MAP7D3: variants seen among roughly 807,000 people sequenced by gnomAD.
The protein encoded by MAP7D3 is MAP7 domain containing 3.
Under a neutral mutation model 62.2 loss-of-function variants are expected in MAP7D3, and 45 were observed. That is an observed-to-expected ratio of 0.72 (90% CI 0.57 to 0.93). MAP7D3 has a LOEUF of 0.93. Ranked by LOEUF, MAP7D3 falls within the 40% of genes least tolerant of loss-of-function variation. The pLI, the probability that MAP7D3 is intolerant of heterozygous loss-of-function variation, is 0.00. For synonymous variants in MAP7D3, 288 were observed against 248.8 expected, an observed-to-expected ratio of 1.16 and a Z score of -1.48; for missense variants, 711 against 683.1, an observed-to-expected ratio of 1.04 and a Z score of -0.45.
chrX:136,225,028 G>A (rs1469539754), intron 13 of MAP7D3, 148 bp from the exon 14 acceptor site: 2 of 420,415 alleles, frequency 4.8e-6, no homozygotes, highest in Non-Finnish European at 8.1e-6. Context: ...AAAGGCTTAC[G>A]GTGGCAGTTG....
intron 4 of MAP7D3, among the ~76,000 whole-genome samples, chrX:136,244,233 A>G (rs779635781): frequency 8.9e-6 from 1 of 111,808 alleles, no homozygotes; most frequent in Non-Finnish European, 1.9e-5. Context: ...GAAATCGGTC[A>G]GATGAGGGCA....
At chrX:136,234,907 A>G (rs185983026) in intron 7 of MAP7D3, among the ~76,000 whole-genome samples, 1 of 112,092 alleles carries the variant, frequency 8.9e-6, no homozygotes, top group Admixed American at 9.5e-5. Flanking sequence ...ACAAATGCAA[A>G]GCAAGAAAGA....
intron 4 of MAP7D3, among the ~76,000 whole-genome samples, 181 bp from the exon 5 acceptor site, chrX:136,241,458 T>A (rs868636299): frequency 2.3e-4 from 26 of 112,210 alleles, no homozygotes; most frequent in Non-Finnish European, 3.8e-4. Flanking sequence ...CATTTTTTTT[T>A]ATCTTATGGA....
chrX:136,255,732 C>A (rs772566262), upstream of MAP7D3, among the ~76,000 whole-genome samples: 1 of 110,825 alleles, frequency 9.0e-6, no homozygotes, highest in Non-Finnish European at 1.9e-5. Flanking sequence ...AGAACCCAGG[C>A]GGCTCCTCTC....
rs368859198 is a variant in MAP7D3 at position 136,231,994 on chromosome X, C to T, written c.963G>A (p.Ala321=). Residue 321 remains alanine (A), a synonymous_variant, in exon 8 of 19, where the codon GCG becomes GCA. Transcript: ENST00000316077. The part of the protein sequence containing the change: ...VEVFCNTSME[A]SPKAGVGMAP... ...CCATGCCCACACCTGCCTTGGGGGA[C>T]GCTTCCATGCTTGTGTTGCAGAATA... The T allele has an allele frequency of 3.5e-5, 42 of 1,208,476 alleles. No homozygotes were observed. The highest frequency in any genetic ancestry group is 2.6e-4 in the African/African-American group (15 of 56,751).
In MAP7D3 at chrX:136,220,902, T is replaced by C. The variant is rs768600139; in HGVS notation, c.2349A>G (p.Lys783=). The change falls in exon 16 of 19, where the codon AAA becomes AAG. Residue 783 remains lysine, a synonymous_variant. Coordinates refer to ENST00000316077, the MANE Select transcript of MAP7D3 (RefSeq NM_024597.4). The stretch of plus-strand genomic sequence containing the variant: ...CTAGAAATACCAGCTTGTGTGTCAT[T>C]TTCTTGGCATTGTTGAACGGCATTT... ...KFKMPFNNAK[K]MTHKLVFLED... 2.5e-6 allele frequency: 3 copies of C among 1,209,634 alleles called. No homozygotes were observed. Among genetic ancestry groups the C allele is most frequent in the Non-Finnish European group, 3.4e-6 (3 of 893,298 alleles).
chrX:136,244,921 G>T, intron 3 of MAP7D3, 126 bp from the exon 4 acceptor site: 1 of 480,782 alleles, frequency 2.1e-6, no homozygotes, highest in Non-Finnish European at 3.5e-6. Flanking sequence ...CACAACCTGT[G>T]CTAGTAACTA....
At chrX:136,228,836 A>C in intron 10 of MAP7D3, 78 bp from the exon 11 acceptor site, 2 of 823,997 alleles carry the variant, frequency 2.4e-6, no homozygotes, top group Non-Finnish European at 3.3e-6. Flanking sequence ...ACACAATCCA[A>C]AACATTAAAA....
chrX:136,252,968 G>C (rs2074529786), upstream of MAP7D3, among the ~76,000 whole-genome samples: 2 of 109,708 alleles, frequency 1.8e-5, no homozygotes, highest in African/African-American at 6.7e-5. Flanking sequence ...CGTCGTGGCG[G>C]GCCCCTGTAA....
At chrX:136,220,175 T>A (rs779561519) in intron 16 of MAP7D3, among the ~76,000 whole-genome samples, 3 of 111,739 alleles carry the variant, frequency 2.7e-5, no homozygotes, top group Non-Finnish European at 5.6e-5. Context: ...GAGCATATTA[T>A]GGCCGGGTGT....
intron 4 of MAP7D3, among the ~76,000 whole-genome samples, chrX:136,244,181 C>T (rs987978473): frequency 1.8e-5 from 2 of 111,331 alleles, no homozygotes; most frequent in African/African-American, 6.5e-5. Flanking sequence ...AGAGCGAATG[C>T]CCTGATTTGG....
intron 4 of MAP7D3, among the ~76,000 whole-genome samples, chrX:136,242,146 A>G (rs1239041451): frequency 8.9e-6 from 1 of 112,583 alleles, no homozygotes; most frequent in Admixed American, 9.4e-5. Context: ...TTCTGAGAAG[A>G]AAAGCAACCG....
intron 4 of MAP7D3, among the ~76,000 whole-genome samples, chrX:136,241,731 A>C (rs1048220368): frequency 7.2e-5 from 8 of 111,105 alleles, no homozygotes; most frequent in African/African-American, 2.6e-4. Flanking sequence ...GGGAAAAATC[A>C]GCACACATAT....
In MAP7D3 at chrX:136,218,098, A is replaced by C. The variant is rs894622362; in HGVS notation, c.*428T>G. 3 of 111,443 alleles carry C rather than the reference A, an allele frequency of 2.7e-5. No homozygotes were observed. Among genetic ancestry groups the C allele is most frequent in the Non-Finnish European group, 5.7e-5 (3 of 52,981 alleles). 9.2% of individuals were successfully genotyped at this position (111,443 alleles called of 1,213,427 possible). A position where few individuals can be genotyped will look rare whatever the true frequency, so the allele number is the denominator to read the frequency against. The stretch of plus-strand genomic sequence containing the variant: ...AAGAAAAAGAAAAAGCATTACTTTA[A>C]GATTTCAAATATATACTGAAAGAGA... On this transcript the variant is annotated 3_prime_UTR_variant, in exon 19 of 19. Coordinates refer to ENST00000316077, the MANE Select transcript of MAP7D3 (RefSeq NM_024597.4).
At chrX:136,251,439 G>C (rs1302680180), upstream of MAP7D3, 155 of 888,264 alleles carry the variant, frequency 1.7e-4, no homozygotes, top group Non-Finnish European at 2.0e-4. Context: ...GGTCGTGGCC[G>C]GGCTGCCGGT....
intron 15 of MAP7D3, among the ~76,000 whole-genome samples, chrX:136,221,538 G>C (rs1343342341): frequency 1.8e-5 from 2 of 111,645 alleles, no homozygotes; most frequent in East Asian, 5.6e-4. Context: ...TGTTAGCCAG[G>C]ATGGTCTCGA....
intron 14 of MAP7D3, 113 bp downstream of exon 14, chrX:136,224,714 T>C: frequency 2.2e-6 from 1 of 464,606 alleles, no homozygotes; most frequent in Non-Finnish European, 3.6e-6. Context: ...ATCAGGGAAA[T>C]GCAAATGTAA....
intron 6 of MAP7D3, 56 bp downstream of exon 6, chrX:136,240,326 A>G: frequency 2.7e-6 from 2 of 747,588 alleles, no homozygotes; most frequent in South Asian, 4.4e-5. Context: ...GTAAAAATAT[A>G]AAGAACTGAT....
rs754130871 is a variant in MAP7D3 at position 136,222,506 on chromosome X, T to C, written c.2194-20A>G. On this transcript the variant is annotated intron_variant, in intron 14 of 18. Coordinates refer to ENST00000316077, the MANE Select transcript of MAP7D3 (RefSeq NM_024597.4). The stretch of plus-strand genomic sequence containing the variant: ...TGTGACCTACGATTAAAAAAGGAAA[T>C]CTTGATTATGCCTAATATTCAATCA... 1.3e-5 allele frequency: 14 copies of C among 1,098,673 alleles called. No individual in the cohort carries two copies. The highest frequency in any genetic ancestry group is 1.8e-5 in the African/African-American group (1 of 55,269). 90.5% of individuals were successfully genotyped at this position (1,098,673 alleles called of 1,213,427 possible).
Sources: allele counts gnomAD v4.1 joint callset (sites outside exome capture counted in the v4.1 genomes callset), GRCh38; gene constraint gnomAD v4.1.1; transcripts MANE v1.5; gene names NCBI Gene and HGNC (gene_info 2026-07-23, HGNC 2026-07-21).